The following UBAP2L variants were observed in gnomAD, a reference collection of about 807,000 sequenced individuals.
The protein encoded by UBAP2L is ubiquitin associated protein 2 like.
In UBAP2L, 12 loss-of-function variants were observed where a neutral mutation model predicts 130.6. The observed-to-expected ratio is 0.09, with a 90% CI of 0.06 to 0.15. The LOEUF is 0.15. Ranked by LOEUF, UBAP2L falls within the 10% of genes least tolerant of loss-of-function variation. UBAP2L has a pLI of 1.00. For missense variants in UBAP2L, 965 were observed against 1,332.5 expected, an observed-to-expected ratio of 0.72 and a Z score of 4.29; for synonymous variants, 503 against 524.7, an observed-to-expected ratio of 0.96 and a Z score of 0.57.
At chr1:154,271,147 C>T, downstream of UBAP2L, 2 of 552,106 alleles carry the variant, frequency 3.6e-6, no homozygotes, top group Non-Finnish European at 6.3e-6. Context: ...CGATTTCAGG[C>T]AGTAAAGGGA....
intron 2 of UBAP2L, 33 bp from the exon 3 acceptor site, chr1:154,227,249 A>G (rs376678380): frequency 3.8e-6 from 6 of 1,590,952 alleles, no homozygotes; most frequent in South Asian, 3.3e-5. Flanking sequence ...TTGCCTCATG[A>G]TTATGCTTTC....
rs1042230486 is a variant in UBAP2L at position 154,257,083 on chromosome 1, G to A, written c.2178G>A (p.Glu726=). 9.9e-6 allele frequency: 16 copies of A among 1,613,586 alleles called. No individual in the cohort carries two copies. Among genetic ancestry groups the A allele is most frequent in the African/African-American group, 1.3e-5 (1 of 74,882 alleles). ...TGAAGCACACAAGTGTGGAGAGTGA[G>A]GCGAATCTCCATTCTTCCTCCAGCA... ...STLLHTSVES[E]ANLHSSSSTF... Residue 726 remains glutamate, a synonymous_variant, in exon 19 of 27, where the codon GAG becomes GAA. Coordinates refer to ENST00000428931, the MANE Select transcript of UBAP2L (RefSeq NM_014847.4).
At position 154,261,012 on chromosome 1, in the gene UBAP2L, C is replaced by T. The variant is rs1681375212; in HGVS notation, c.2699C>T (p.Pro900Leu). Residue 900 changes from proline (P) to leucine (L), a missense_variant, in exon 23 of 27, where the codon CCG (proline) becomes CTG (leucine). Pro to Leu is a moderately conservative substitution (Grantham distance 98). Transcript: ENST00000428931. Reference protein sequence around the residue: ...HHTTQQTFLNPALPPGYSYTS... With the variant: ...HHTTQQTFLNLALPPGYSYTS... The stretch of plus-strand genomic sequence containing the variant: ...ACCACGCAGCAGACATTCCTGAACC[C>T]GGCGCTGCCTCCTGGCTACAGTTAC... 6.2e-7 allele frequency: 1 copy of T among 1,614,162 alleles called. No homozygotes were observed. Among genetic ancestry groups the T allele is most frequent in the Non-Finnish European group, 8.5e-7 (1 of 1,180,022 alleles).
At chr1:154,251,373 A>T in intron 13 of UBAP2L, 55 bp downstream of exon 13, 1 of 1,579,820 alleles carries the variant, frequency 6.3e-7, no homozygotes. Flanking sequence ...GGGGCTTGAG[A>T]ATTGAGATTA....
chr1:154,265,804 C>A (rs1683069325), intron 24 of UBAP2L, among the ~76,000 whole-genome samples: 1 of 151,918 alleles, frequency 6.6e-6, no homozygotes, highest in South Asian at 2.1e-4. Context: ...TTTTTGTGTT[C>A]CACCTAGGCT....
At position 154,251,379 on chromosome 1, in the gene UBAP2L, G is replaced by T. The variant is rs567698698; in HGVS notation, c.1491+61G>T. The T allele has an allele frequency of 1.7e-5, 27 of 1,577,922 alleles. No homozygotes were observed. The African/African-American group carries it at 3.2e-4, about 18-fold the overall frequency. Reference sequence around the variant, plus strand: ...AAGGGGTGTGGGGCTTGAGAATTGAGATTAAAAGGGTAAGTTTGGAAATTT... The same window carrying T: ...AAGGGGTGTGGGGCTTGAGAATTGATATTAAAAGGGTAAGTTTGGAAATTT... On this transcript the variant is annotated intron_variant, in intron 13 of 26. Coordinates refer to ENST00000428931, the MANE Select transcript of UBAP2L (RefSeq NM_014847.4).
intron 11 of UBAP2L, among the ~76,000 whole-genome samples, chr1:154,248,288 T>C (rs942477466): frequency 2.0e-5 from 3 of 152,102 alleles, no homozygotes; most frequent in Admixed American, 2.0e-4. Flanking sequence ...CTATAGAACT[T>C]GTATGTACAT....
intron 17 of UBAP2L, 104 bp from the exon 18 acceptor site, chr1:154,255,578 TG>T: frequency 7.4e-7 from 1 of 1,351,030 alleles, no homozygotes; most frequent in Middle Eastern, 1.8e-4. Flanking sequence ...CAGACCTCCT[TG>T]GTGTCCCATA....
At chr1:154,225,322 T>A (rs540714378) in intron 2 of UBAP2L, 109 bp downstream of exon 2, 121 of 1,292,190 alleles carry the variant, frequency 9.4e-5, no homozygotes, top group Non-Finnish European at 1.3e-4. Context: ...AGGTTCCTTA[T>A]TTTTGTTTTC....
intron 4 of UBAP2L, among the ~76,000 whole-genome samples, chr1:154,233,084 G>T (rs919873169): frequency 6.6e-6 from 1 of 151,632 alleles, no homozygotes; most frequent in Non-Finnish European, 1.5e-5. Flanking sequence ...CAGGATCTCA[G>T]CTTACTGCAA....
At chr1:154,248,101 G>A (rs903763128) in intron 11 of UBAP2L, among the ~76,000 whole-genome samples, 2 of 151,992 alleles carry the variant, frequency 1.3e-5, no homozygotes, top group South Asian at 4.1e-4. Flanking sequence ...CTGAGTAGCT[G>A]GGGTTACAGG....
intron 11 of UBAP2L, among the ~76,000 whole-genome samples, chr1:154,248,297 A>G (rs1004808450): frequency 2.6e-5 from 4 of 152,142 alleles, no homozygotes; most frequent in Non-Finnish European, 4.4e-5. Flanking sequence ...TTGTATGTAC[A>G]TGGAGAAAAC....
At chr1:154,236,900 G>C in intron 7 of UBAP2L, 124 bp from the exon 8 acceptor site, 1 of 756,566 alleles carries the variant, frequency 1.3e-6, no homozygotes, top group Non-Finnish European at 2.2e-6. Flanking sequence ...TGACACACAG[G>C]ATTATAGAAT....
chr1:154,269,241 C>G, intron 26 of UBAP2L: 1 of 1,050,324 alleles, frequency 9.5e-7, no homozygotes, highest in Non-Finnish European at 1.4e-6. Context: ...TGGGTCACAC[C>G]TTCCCTCTTT....
At chr1:154,269,350 G>GT (rs1328112052) in intron 26 of UBAP2L, 1 of 1,329,006 alleles carries the variant, frequency 7.5e-7, no homozygotes, top group Admixed American at 2.3e-5. Context: ...ATATATCCTG[G>GT]TTCTGCCTCA....
At chr1:154,254,640 AGTTTT>A (rs1679000949) in intron 15 of UBAP2L, 191 bp from the exon 16 acceptor site, 5 of 577,908 alleles carry the variant, frequency 8.7e-6, no homozygotes, top group Non-Finnish European at 1.5e-5. Context: ...GGTATATCTC[AGTTTT>A]GTTGTTTAAT....
At chr1:154,243,116 G>A (rs1228198198) in intron 9 of UBAP2L, 101 bp from the exon 10 acceptor site, 3 of 926,426 alleles carry the variant, frequency 3.2e-6, no homozygotes, top group Non-Finnish European at 5.2e-6. Flanking sequence ...TCTCTTTATA[G>A]GGCTTTCACT....
In UBAP2L at chr1:154,259,989, G is replaced by A. The variant is rs761067278; in HGVS notation, c.2538G>A (p.Leu846=). 6 of 1,614,138 alleles carry A rather than the reference G, an allele frequency of 3.7e-6. No individual in the cohort carries two copies. The highest frequency in any genetic ancestry group is 5.1e-6 in the Non-Finnish European group (6 of 1,180,034). ...CATTTCCCACACCCACTACTCCGCT[G>A]ACTGGGAGGGATGGTAGCCTGGCCA... ...SIPFPTPTTP[L]TGRDGSLASN... is the part of the protein sequence containing the mutation. Residue 846 remains leucine, a synonymous_variant, in exon 22 of 27, where the codon CTG becomes CTA. Coordinates refer to ENST00000428931, the MANE Select transcript of UBAP2L (RefSeq NM_014847.4).
chr1:154,268,059 T>C (rs1683877042), intron 25 of UBAP2L, among the ~76,000 whole-genome samples: 1 of 151,524 alleles, frequency 6.6e-6, no homozygotes, highest in African/African-American at 2.4e-5. Flanking sequence ...CCGGGTAATT[T>C]TGTGTTTTTA....
Sources: allele counts gnomAD v4.1 joint callset (sites outside exome capture counted in the v4.1 genomes callset), GRCh38; gene constraint gnomAD v4.1.1; transcripts MANE v1.5; gene names NCBI Gene and HGNC (gene_info 2026-07-23, HGNC 2026-07-21).